Variants in ASB12 observed in about 807,000 individuals in gnomAD.
The protein encoded by ASB12 is ankyrin repeat and SOCS box containing 12, also known as ankyrin repeat and SOCS box protein 12.
Under a neutral mutation model 13.7 loss-of-function variants are expected in ASB12, and 17 were observed. The observed-to-expected ratio is 1.24, with a 90% CI of 0.85 to 1.86. ASB12 has a LOEUF of 1.86. Among genes scored for constraint, ASB12 ranks in the 40% most tolerant of loss-of-function variants. The probability of loss-of-function intolerance (pLI) is 0.00; values close to 1 mark genes in which losing one functional copy is unlikely to be tolerated. For synonymous variants in ASB12, 107 were observed against 99.8 expected, an observed-to-expected ratio of 1.07 and a Z score of -0.43; for missense variants, 329 against 250.5, an observed-to-expected ratio of 1.31 and a Z score of -2.11.
intron 1 of ASB12, chrX:64,226,833 C>G (rs1930959465): frequency 1.7e-6 from 1 of 573,009 alleles, no homozygotes; most frequent in African/African-American, 2.5e-5. Flanking sequence ...GTCTCAGGAC[C>G]TCATATCTTC....
At position 64,225,539 on chromosome X, in the gene ASB12, C is replaced by A. The variant is rs745657431; in HGVS notation, c.112G>T (p.Ala38Ser). ...TTGTCATACACTGCTTGATTGAGAGCCTGCTTCTCCTCTGTGTCAGTGTCC... is the reference window on the plus strand; with the variant it reads ...TTGTCATACACTGCTTGATTGAGAGACTGCTTCTCCTCTGTGTCAGTGTCC... Reference protein sequence around the residue: ...EEDTDTEEKQALNQAVYDNDS... With the variant: ...EEDTDTEEKQSLNQAVYDNDS... The change falls in exon 2 of 3, where the codon GCT (alanine) becomes TCT (serine). Residue 38 changes from alanine (A) to serine (S), a missense_variant. Coordinates refer to ENST00000362002, the MANE Select transcript of ASB12 (RefSeq NM_130388.4). 1.7e-6 allele frequency: 2 copies of A among 1,209,064 alleles called. No homozygotes were observed. The highest frequency in any genetic ancestry group is 3.0e-5 in the East Asian group (1 of 33,771).
At chrX:64,226,782 A>AGAGCTTAAGTG in intron 1 of ASB12, 1 of 750,453 alleles carries the variant, frequency 1.3e-6, no homozygotes, top group South Asian at 6.8e-5. Context: ...CAGGTTTCTC[A>AGAGCTTAAGTG]GAGCTTAAGT....
chrX:64,228,315 T>G (rs746271235), intron 1 of ASB12, among the ~76,000 whole-genome samples: 1 of 112,491 alleles, frequency 8.9e-6, no homozygotes, highest in Admixed American at 9.4e-5. Flanking sequence ...CCAAGTTAAT[T>G]CCTGCAGAGT....
chrX:64,226,117 T>A (rs886173332), intron 1 of ASB12, among the ~76,000 whole-genome samples: 1 of 112,557 alleles, frequency 8.9e-6, no homozygotes, highest in African/African-American at 3.2e-5. Flanking sequence ...GTAGATGCAT[T>A]TTCCTCAGTT....
chrX:64,225,932 TCTC>T (rs1930942077), intron 1 of ASB12, among the ~76,000 whole-genome samples: 1 of 112,415 alleles, frequency 8.9e-6, no homozygotes, highest in Admixed American at 9.4e-5. Context: ...CCTTCTCTAA[TCTC>T]CTCTTCCTGC....
At chrX:64,229,970 T>C (rs1282996819) in intron 1 of ASB12, among the ~76,000 whole-genome samples, 1 of 111,733 alleles carries the variant, frequency 8.9e-6, no homozygotes, top group African/African-American at 3.3e-5. Context: ...TTGGTGTCTG[T>C]CAATCCAGGT....
chrX:64,227,336 T>A (rs1292744746), intron 1 of ASB12, among the ~76,000 whole-genome samples: 1 of 111,895 alleles, frequency 8.9e-6, no homozygotes, highest in Non-Finnish European at 1.9e-5. Context: ...AGTTTTCTAC[T>A]ATGTACTTCA....
chrX:64,225,822 A>G, intron 1 of ASB12, 148 bp from the exon 2 acceptor site: 1 of 751,116 alleles, frequency 1.3e-6, no homozygotes, highest in Non-Finnish European at 1.9e-6. Flanking sequence ...GTCTTATTTC[A>G]GGCCCCAAAG....
Position 64,229,588 on chromosome X carries a change from T to C in ASB12, c.-25+875A>G, listed in dbSNP as rs781167311. 4.4e-5 allele frequency among the ~76,000 whole-genome samples: 5 copies of C among 112,476 alleles called. No homozygotes were observed. In the Admixed American group the frequency reaches 4.7e-4, roughly 11 times the overall value. ...CAAAGTCTGTAAACACCTTTCAGAATGGTTTTTGCTACATAAAACACATAA... is the reference window on the plus strand; with the variant it reads ...CAAAGTCTGTAAACACCTTTCAGAACGGTTTTTGCTACATAAAACACATAA... On this transcript the variant is annotated intron_variant, in intron 1 of 2. Coordinates refer to ENST00000362002, the MANE Select transcript of ASB12 (RefSeq NM_130388.4).
Position 64,224,423 on chromosome X carries a change from C to T in ASB12, c.869G>A (p.Arg290Lys). 1 of 1,209,943 alleles carries T rather than the reference C, an allele frequency of 8.3e-7. No individual in the cohort carries two copies. The highest frequency in any genetic ancestry group is 1.1e-6 in the Non-Finnish European group (1 of 894,283). ...LLSQVRLVVR[R>K]ALCQAGQPQA... is the part of the protein sequence containing the mutation. Reference sequence around the variant, plus strand: ...TGGCTGGCCAGCCTGGCACAAGGCTCTGCGGACGACTAAACGGACCTGTGA... The same window carrying T: ...TGGCTGGCCAGCCTGGCACAAGGCTTTGCGGACGACTAAACGGACCTGTGA... The change falls in exon 3 of 3, where the codon AGA becomes AAA. Residue 290 changes from arginine (R) to lysine (K), a missense_variant. Physicochemically the swap from Arg to Lys is conservative, Grantham distance 26 (BLOSUM62 2). Coordinates refer to ENST00000362002, the MANE Select transcript of ASB12 (RefSeq NM_130388.4).
intron 1 of ASB12, chrX:64,226,726 G>A: frequency 1.3e-6 from 1 of 754,326 alleles, no homozygotes; most frequent in Non-Finnish European, 1.6e-6. Flanking sequence ...GTGCTTCAGT[G>A]TCAAGGTCGC....
At chrX:64,228,774 G>C (rs1431986834) in intron 1 of ASB12, among the ~76,000 whole-genome samples, 1 of 111,639 alleles carries the variant, frequency 9.0e-6, no homozygotes, top group Non-Finnish European at 1.9e-5. Context: ...GGGAAACCAA[G>C]GTTCAGAGCA....
Position 64,225,155 on chromosome X carries a change from T to C in ASB12, c.496A>G (p.Asn166Asp), listed in dbSNP as rs779198571. 4.1e-6 allele frequency: 5 copies of C among 1,209,473 alleles called. No homozygotes were observed. In the Admixed American group the frequency reaches 1.1e-4, roughly 26 times the overall value. Residue 166 changes from asparagine to aspartate, a missense_variant, in exon 2 of 3, where the codon AAC (asparagine) becomes GAC (aspartate). Physicochemically the swap from Asn to Asp is conservative, Grantham distance 23. Transcript: ENST00000362002. Reference protein sequence around the residue: ...QELLDHGAEANVKAKLPVWAS... With the variant: ...QELLDHGAEADVKAKLPVWAS... ...CAGACTGGTAGTTTAGCTTTGACGT[T>C]GGCCTCTGCACCATGGTCTAGGAGC... is the stretch of plus-strand genomic sequence containing the variant.
Position 64,225,060 on chromosome X carries a change from GA to G in ASB12, c.590del (p.Phe197SerfsTer47), listed in dbSNP as rs1400539689. 1.7e-6 allele frequency: 2 copies of G among 1,211,808 alleles called. No homozygotes were observed. The highest frequency in any genetic ancestry group is 3.5e-5 in the South Asian group (2 of 56,964). On this transcript the variant is annotated frameshift_variant, in exon 2 of 3. Transcript: ENST00000362002. LOFTEE classifies it high-confidence loss of function. ...CTGCCCCGTGGAGCAAAAGCAGGCG[GA>G]AACAGTCCAGGTGCCCGTAGACTGC... ...LAAVYGHLDC[F>X]RLLLLHGADP... is the part of the protein sequence containing the mutation.
intron 1 of ASB12, 86 bp from the exon 2 acceptor site, chrX:64,225,760 A>C: frequency 1.0e-6 from 1 of 1,002,888 alleles, no homozygotes; most frequent in Non-Finnish European, 1.3e-6. Context: ...CCTCCATTTC[A>C]CCATCAGGCT....
At chrX:64,230,136 A>T (rs1931027676) in intron 1 of ASB12, among the ~76,000 whole-genome samples, 1 of 111,159 alleles carries the variant, frequency 9.0e-6, no homozygotes, top group Non-Finnish European at 1.9e-5. Flanking sequence ...ACACACACAG[A>T]CTAGCCAACA....
intron 1 of ASB12, among the ~76,000 whole-genome samples, chrX:64,229,555 CA>C (rs1302304830): frequency 8.9e-6 from 1 of 111,891 alleles, no homozygotes. Flanking sequence ...GTTCCTGTGA[CA>C]AACTAGCAAA....
intron 1 of ASB12, among the ~76,000 whole-genome samples, chrX:64,227,127 A>C (rs1225214961): frequency 9.0e-6 from 1 of 111,378 alleles, no homozygotes; most frequent in Non-Finnish European, 1.9e-5. Flanking sequence ...TTTGGGACTC[A>C]GTTTCCTCAT....
In ASB12 at chrX:64,224,364, A is replaced by G; in HGVS notation, c.928T>C (p.Leu310=). The part of the protein sequence containing the change: ...AINQLDIPPM[L]ISYLKHQL The stretch of plus-strand genomic sequence containing the variant: ...AGTTGGTGTTTTAGGTAGCTAATCA[A>G]CATGGGAGGAATATCCAGCTGGTTG... The change falls in exon 3 of 3, where the codon TTG becomes CTG. Residue 310 remains leucine, a synonymous_variant. Coordinates refer to ENST00000362002, the MANE Select transcript of ASB12 (RefSeq NM_130388.4). The G allele has an allele frequency of 1.7e-6, 2 of 1,211,029 alleles. No individual in the cohort carries two copies. Among genetic ancestry groups the G allele is most frequent in the East Asian group, 3.0e-5 (1 of 33,798 alleles).
Sources: gnomAD v4.1 joint callset for allele counts (sites outside exome capture counted in the v4.1 genomes callset) on GRCh38, gnomAD v4.1.1 for gene constraint, MANE v1.5 for transcripts, NCBI Gene and HGNC (gene_info 2026-07-23, HGNC 2026-07-21) for gene names.